The following MYOM2 variants were observed in gnomAD, a reference collection of about 807,000 sequenced individuals.
MYOM2 encodes the protein myomesin-2.
Under a neutral mutation model 187.6 loss-of-function variants are expected in MYOM2, and 254 were observed. The observed-to-expected ratio is 1.35, with a 90% CI of 1.22 to 1.50. MYOM2 has a LOEUF of 1.50. Among genes scored for constraint, MYOM2 ranks in the 40% most tolerant of loss-of-function variants. The probability of loss-of-function intolerance (pLI) is 0.00; values close to 1 mark genes in which losing one functional copy is unlikely to be tolerated. For missense variants in MYOM2, 2,796 were observed against 1,924.0 expected (o/e 1.45, Z -8.48); for synonymous variants, 981 against 753.8 (o/e 1.30, Z -4.94).
intron 27 of MYOM2, 60 bp downstream of exon 27, chr8:2,116,335 G>A (rs1347624620): frequency 4.7e-6 from 7 of 1,488,686 alleles, no homozygotes; most frequent in South Asian, 3.7e-5. Flanking sequence ...GATGATTGGA[G>A]TATTTGTCAG....
chr8:2,051,096 C>T (rs1207766547), intron 2 of MYOM2, among the ~76,000 whole-genome samples: 1 of 152,098 alleles, frequency 6.6e-6, no homozygotes, highest in Admixed American at 6.5e-5. Flanking sequence ...AGCTCCTGAT[C>T]GAGGTGGGGA....
chr8:2,113,389 C>G (rs1585928340), intron 25 of MYOM2, among the ~76,000 whole-genome samples: 1 of 152,196 alleles, frequency 6.6e-6, no homozygotes, highest in African/African-American at 2.4e-5. Context: ...ATCCCAAAGG[C>G]TGAGTGAGCA....
chr8:2,085,126 G>C (rs901683312), intron 13 of MYOM2, 137 bp from the exon 14 acceptor site: 45 of 997,814 alleles, frequency 4.5e-5, no homozygotes, highest in Non-Finnish European at 6.5e-5. Context: ...AAGCATCTTT[G>C]GGGTTTGTTT....
intron 21 of MYOM2, among the ~76,000 whole-genome samples, chr8:2,103,627 T>C (rs191339562): frequency 6.6e-6 from 1 of 151,166 alleles, no homozygotes; most frequent in East Asian, 2.0e-4. Context: ...TATGGATAAA[T>C]GAGTGGGAGA....
At position 2,116,045 on chromosome 8, in the gene MYOM2, C is replaced by G; in HGVS notation, c.3266C>G (p.Thr1089Ser). Residue 1089 changes from threonine to serine, a missense_variant, in exon 26 of 37, where the codon ACT (threonine) becomes AGT (serine). Thr to Ser is a moderately conservative substitution (Grantham distance 58, BLOSUM62 1). Transcript: ENST00000262113. ...AGTATTGAAAATGAGGGGACCTACA[C>G]TGTGCAGATTCATGATGGGAAAGCC... ...RFSIENEGTY[T>S]VQIHDGKAKS... 1.2e-6 allele frequency: 2 copies of G among 1,614,096 alleles called. No homozygotes were observed. The highest frequency in any genetic ancestry group is 2.2e-5 in the East Asian group (1 of 44,874).
chr8:2,061,865 T>C (rs1818861188), intron 6 of MYOM2, among the ~76,000 whole-genome samples: 1 of 152,184 alleles, frequency 6.6e-6, no homozygotes, highest in Non-Finnish European at 1.5e-5. Flanking sequence ...ATCCTGGATG[T>C]TCGAGAGGCT....
chr8:2,145,022 A>G lies in MYOM2; in HGVS notation c.*41A>G. The G allele has an allele frequency of 6.2e-7, 1 of 1,604,686 alleles. No homozygotes were observed. The highest frequency in any genetic ancestry group is 1.1e-5 in the South Asian group (1 of 90,494). ...CTGGAGATGGGAAAATATGCTTGGC[A>G]GAGACAGGAATGCTGTGTGCTTGTT... On this transcript the variant is annotated 3_prime_UTR_variant, in exon 37 of 37. Transcript: ENST00000262113.
intron 19 of MYOM2, among the ~76,000 whole-genome samples, chr8:2,100,045 CTTCT>C (rs1162599795): frequency 9.3e-6 from 1 of 107,412 alleles, no homozygotes; most frequent in East Asian, 3.8e-4. Context: ...TCCTTCCTTC[CTTCT>C]TTCCTTCCTT....
rs1819300854 is a variant in MYOM2 at position 2,073,337 on chromosome 8, A to G, written c.959-2A>G. The stretch of plus-strand genomic sequence containing the variant: ...AAACCTTCCGTGTTAACGCTCTTTC[A>G]GACGTGCTGTTGAAAGAGTCCAAGT... On this transcript the variant is annotated splice_acceptor_variant, in intron 9 of 36. Coordinates refer to ENST00000262113, the MANE Select transcript of MYOM2 (RefSeq NM_003970.4). LOFTEE classifies it high-confidence loss of function. 2.5e-6 allele frequency: 4 copies of G among 1,600,990 alleles called. No homozygotes were observed. The East Asian group carries it at 6.7e-5, about 27-fold the overall frequency.
intron 25 of MYOM2, among the ~76,000 whole-genome samples, chr8:2,115,391 T>G (rs1439148518): frequency 2.6e-5 from 4 of 152,210 alleles, no homozygotes; most frequent in African/African-American, 9.6e-5. Flanking sequence ...TATCTGTGCA[T>G]GTACTGTAGA....
chr8:2,138,117 G>A (rs898822592), intron 32 of MYOM2, among the ~76,000 whole-genome samples: 1 of 152,254 alleles, frequency 6.6e-6, no homozygotes, highest in South Asian at 2.1e-4. Context: ...GCGACCTGCT[G>A]TGAGCTCACA....
chr8:2,098,977 G>A lies in MYOM2; in HGVS notation c.2434G>A (p.Glu812Lys), dbSNP rs767767454. The A allele has an allele frequency of 6.2e-7, 1 of 1,603,082 alleles. No homozygotes were observed. The highest frequency in any genetic ancestry group is 8.5e-7 in the Non-Finnish European group (1 of 1,172,154). Residue 812 changes from glutamate to lysine, a missense_variant, in exon 19 of 37, where the codon GAG (glutamate) becomes AAG (lysine). Glu to Lys is a moderately conservative substitution (Grantham distance 56). Transcript: ENST00000262113. Reference protein sequence around the residue: ...HFKCEAWTMPEPGPAYDLTFC... With the variant: ...HFKCEAWTMPKPGPAYDLTFC... ...CAAGTGTGAGGCCTGGACCATGCCGGAGCCCGGTGAGTCGCTGCCCCCAGG... is the reference window on the plus strand; with the variant it reads ...CAAGTGTGAGGCCTGGACCATGCCGAAGCCCGGTGAGTCGCTGCCCCCAGG...
chr8:2,057,126 T>C (rs1818692135), intron 3 of MYOM2, among the ~76,000 whole-genome samples: 1 of 152,242 alleles, frequency 6.6e-6, no homozygotes, highest in Non-Finnish European at 1.5e-5. Context: ...ATAAATCACA[T>C]ACATGTTCTT....
chr8:2,077,359 C>T (rs1431374900), intron 11 of MYOM2, among the ~76,000 whole-genome samples: 2 of 151,792 alleles, frequency 1.3e-5, no homozygotes, highest in Admixed American at 6.6e-5. Flanking sequence ...AAAAAAACCA[C>T]AAAGGATGGT....
chr8:2,125,198 C>T (rs1585950102), intron 31 of MYOM2, among the ~76,000 whole-genome samples: 2 of 152,212 alleles, frequency 1.3e-5, no homozygotes, highest in East Asian at 1.9e-4. Context: ...CACGAGCTTC[C>T]TTCCAGCGGC....
At chr8:2,072,090 C>G (rs1038016770) in intron 8 of MYOM2, among the ~76,000 whole-genome samples, 1 of 152,176 alleles carries the variant, frequency 6.6e-6, no homozygotes, top group Non-Finnish European at 1.5e-5. Flanking sequence ...CAAAGACGTG[C>G]TTTTGCGGTG....
intron 10 of MYOM2, among the ~76,000 whole-genome samples, chr8:2,075,312 T>A (rs1351325950): frequency 2.0e-5 from 3 of 152,084 alleles, no homozygotes; most frequent in Non-Finnish European, 4.4e-5. Flanking sequence ...AGGCAATAAA[T>A]GCAACACGGC....
At chr8:2,140,138 C>T (rs1798223587) in intron 32 of MYOM2, among the ~76,000 whole-genome samples, 1 of 152,124 alleles carries the variant, frequency 6.6e-6, no homozygotes, top group Non-Finnish European at 1.5e-5. Context: ...CTACCCTAAG[C>T]CCTTCATAGG....
intron 19 of MYOM2, among the ~76,000 whole-genome samples, 168 bp downstream of exon 19, chr8:2,099,151 GGCAGACCCA>G (rs1408610779): frequency 1.3e-5 from 2 of 152,356 alleles, no homozygotes; most frequent in Non-Finnish European, 2.9e-5. Flanking sequence ...CTGTGAATCA[GGCAGACCCA>G]GCATCTAGTT....
Sources: gnomAD v4.1 joint callset for allele counts (sites outside exome capture counted in the v4.1 genomes callset) on GRCh38, gnomAD v4.1.1 for gene constraint, MANE v1.5 for transcripts, NCBI Gene and HGNC (gene_info 2026-07-23, HGNC 2026-07-21) for gene names.